Variants in TERB1 observed in about 807,000 individuals in gnomAD.
TERB1 encodes telomere repeats-binding bouquet formation protein 1.
In TERB1, 63 loss-of-function variants were observed where a neutral mutation model predicts 92.3. The ratio of observed to expected loss-of-function variants is 0.68; its 90% CI spans 0.56 to 0.84. The LOEUF (loss-of-function observed/expected upper bound fraction) is 0.84. Ranked by LOEUF, TERB1 falls within the 40% of genes least tolerant of loss-of-function variation. The pLI, the probability that TERB1 is intolerant of heterozygous loss-of-function variation, is 0.00. For missense variants in TERB1, 709 were observed against 843.7 expected (o/e 0.84, Z 1.98); for synonymous variants, 252 against 283.9 (o/e 0.89, Z 1.13).
intron 10 of TERB1, 117 bp downstream of exon 10, chr16:66,778,746 C>T (rs1472158507): frequency 4.0e-5 from 34 of 842,250 alleles, no homozygotes; most frequent in Non-Finnish European, 5.2e-5. Flanking sequence ...TACTTCCTTC[C>T]ACCTGTGAGA....
At position 66,763,250 on chromosome 16, in the gene TERB1, C is replaced by T. The variant is rs190189944; in HGVS notation, c.1781-3960G>A. 6.6e-4 allele frequency among the ~76,000 whole-genome samples: 101 copies of T among 152,186 alleles called. 3 individuals are homozygous for T. The highest frequency in any genetic ancestry group is 1.2e-4 in the Non-Finnish European group (8 of 68,008). ...CCTCCCACGTAGCTGGAACTACAGA[C>T]ACACGCACCACTGTGTCTGACTTAC... On this transcript the variant is annotated intron_variant, in intron 16 of 18. Coordinates refer to ENST00000433154, the MANE Select transcript of TERB1 (RefSeq NM_001136505.2).
intron 18 of TERB1, among the ~76,000 whole-genome samples, chr16:66,755,897 G>C (rs1428910925): frequency 1.3e-5 from 2 of 152,130 alleles, no homozygotes; most frequent in Non-Finnish European, 2.9e-5. Flanking sequence ...TATTAGGTTT[G>C]ATAATATTTT....
rs1488164169 is a variant in TERB1, at chr16:66,777,202, C to A, written c.985+1G>T. 1.3e-6 allele frequency: 2 copies of A among 1,546,048 alleles called. No homozygotes were observed. Among genetic ancestry groups the A allele is most frequent in the South Asian group, 2.4e-5 (2 of 83,248 alleles). On this transcript the variant is annotated splice_donor_variant, in intron 11 of 18. Coordinates refer to ENST00000433154, the MANE Select transcript of TERB1 (RefSeq NM_001136505.2). LOFTEE classifies it high-confidence loss of function. ...CCACACTCAATAAATCCAATACTTA[C>A]CACAATCCTCTGTGCAATGACCAAG... is the stretch of plus-strand genomic sequence containing the variant.
chr16:66,758,975 C>T, intron 17 of TERB1, 137 bp from the exon 18 acceptor site: 4 of 912,034 alleles, frequency 4.4e-6, no homozygotes, highest in Non-Finnish European at 5.0e-6. Flanking sequence ...TTTAAACCAA[C>T]AGTCTAAGAC....
chr16:66,755,676 G>A (rs940526593), intron 18 of TERB1, among the ~76,000 whole-genome samples: 1 of 152,158 alleles, frequency 6.6e-6, no homozygotes, highest in African/African-American at 2.4e-5. Flanking sequence ...TCGGGAGGCT[G>A]AGGCACAAGA....
At chr16:66,773,761 G>T (rs2018493693) in intron 12 of TERB1, among the ~76,000 whole-genome samples, 2 of 151,992 alleles carry the variant, frequency 1.3e-5, no homozygotes, top group East Asian at 3.9e-4. Context: ...CTCATTTTTT[G>T]AGTTACTGTC....
At chr16:66,766,246 T>C (rs2018345117) in intron 16 of TERB1, among the ~76,000 whole-genome samples, 2 of 151,606 alleles carry the variant, frequency 1.3e-5, no homozygotes, top group Admixed American at 6.6e-5. Context: ...AGAATGGAAG[T>C]GAAGAGAAAG....
At chr16:66,777,141 A>C in intron 11 of TERB1, 62 bp downstream of exon 11, 2 of 1,432,102 alleles carry the variant, frequency 1.4e-6, no homozygotes, top group Non-Finnish European at 1.9e-6. Context: ...AGAAAAAAAA[A>C]AACAGAAGTA....
At chr16:66,800,519 T>C (rs1379118227) in intron 2 of TERB1, among the ~76,000 whole-genome samples, 8 of 144,292 alleles carry the variant, frequency 5.5e-5, no homozygotes, top group African/African-American at 2.1e-4. Flanking sequence ...GCCTCCCCAG[T>C]AGCTGGGATT....
chr16:66,783,329 T>A (rs775355025), intron 9 of TERB1, among the ~76,000 whole-genome samples: 3 of 152,254 alleles, frequency 2.0e-5, no homozygotes, highest in African/African-American at 7.2e-5. Context: ...CCTGCATCTA[T>A]TGAAATTATC....
chr16:66,772,246 A>G (rs1316583398), intron 13 of TERB1, among the ~76,000 whole-genome samples: 1 of 152,122 alleles, frequency 6.6e-6, no homozygotes, highest in Non-Finnish European at 1.5e-5. Context: ...TCGGGAGGCT[A>G]AGGCAGGGAG....
intron 13 of TERB1, among the ~76,000 whole-genome samples, chr16:66,771,470 A>G (rs1308735108): frequency 5.3e-5 from 8 of 152,210 alleles, no homozygotes; most frequent in Admixed American, 5.2e-4. Context: ...AAGCACAAAG[A>G]GATTAAATAA....
intron 16 of TERB1, among the ~76,000 whole-genome samples, chr16:66,760,737 G>A (rs2018226209): frequency 9.1e-6 from 1 of 109,936 alleles, no homozygotes; most frequent in African/African-American, 3.7e-5. Flanking sequence ...AGTGAGCTGA[G>A]ATCACGACTG....
At chr16:66,778,305 A>C (rs2018582674) in intron 10 of TERB1, among the ~76,000 whole-genome samples, 1 of 151,864 alleles carries the variant, frequency 6.6e-6, no homozygotes, top group Non-Finnish European at 1.5e-5. Flanking sequence ...CGATATGTTG[A>C]CCAAGCTGGT....
intron 14 of TERB1, among the ~76,000 whole-genome samples, chr16:66,768,834 T>C (rs999926150): frequency 8.5e-5 from 13 of 152,074 alleles, no homozygotes; most frequent in African/African-American, 3.1e-4. Context: ...CCGGGTGCGG[T>C]GGTTCACGCC....
intron 9 of TERB1, among the ~76,000 whole-genome samples, chr16:66,782,477 G>A (rs1464212376): frequency 1.3e-5 from 2 of 151,648 alleles, no homozygotes; most frequent in South Asian, 4.2e-4. Flanking sequence ...TTGAGCCTGG[G>A]AGGTGGAGGT....
At chr16:66,771,983 T>C (rs1457547412) in intron 13 of TERB1, among the ~76,000 whole-genome samples, 1 of 152,224 alleles carries the variant, frequency 6.6e-6, no homozygotes, top group African/African-American at 2.4e-5. Context: ...ACCCCAATTA[T>C]TCAGATGTTA....
At chr16:66,800,851 C>T (rs1959259571) in intron 2 of TERB1, 126 bp downstream of exon 2, 1 of 152,338 alleles carries the variant, frequency 6.6e-6, no homozygotes, top group South Asian at 2.1e-4. Context: ...CCCCCCCACT[C>T]CAGCCCAGAG....
intron 16 of TERB1, among the ~76,000 whole-genome samples, chr16:66,762,991 C>T (rs1026947013): frequency 6.6e-6 from 1 of 151,998 alleles, no homozygotes; most frequent in Non-Finnish European, 1.5e-5. Context: ...GGCCAGGACT[C>T]CTTTTTGTAA....
Sources: gnomAD v4.1 joint callset for allele counts (sites outside exome capture counted in the v4.1 genomes callset) on GRCh38, gnomAD v4.1.1 for gene constraint, MANE v1.5 for transcripts, NCBI Gene and HGNC (gene_info 2026-07-23, HGNC 2026-07-21) for gene names.